The following RBFOX1 variants were observed in gnomAD, a reference collection of about 807,000 sequenced individuals.
RBFOX1 encodes the protein RNA binding fox-1 homolog 1.
In RBFOX1, 8 loss-of-function variants were observed where a neutral mutation model predicts 57.7. The ratio of observed to expected loss-of-function variants is 0.14; its 90% CI spans 0.08 to 0.25. The LOEUF is 0.25. RBFOX1 is among the 10% of genes least tolerant of loss of function. The pLI is 1.00. For synonymous variants in RBFOX1, 326 were observed against 222.4 expected, an observed-to-expected ratio of 1.47 and a Z score of -4.15; for missense variants, 611 against 548.5, an observed-to-expected ratio of 1.11 and a Z score of -1.14.
At chr16:7,122,518 G>A (rs1025771541) in intron 4 of RBFOX1, among the ~76,000 whole-genome samples, 1 of 152,064 alleles carries the variant, frequency 6.6e-6, no homozygotes, top group South Asian at 2.1e-4. Flanking sequence ...AACTAGGATG[G>A]AATACCATTA....
chr16:6,742,623 T>C (rs1208003871), intron 3 of RBFOX1, among the ~76,000 whole-genome samples: 1 of 152,204 alleles, frequency 6.6e-6, no homozygotes, highest in Non-Finnish European at 1.5e-5. Context: ...AACTGTGAGA[T>C]ACCCGTACTG....
intron 2 of RBFOX1, 78 bp downstream of exon 2, chr16:6,317,135 T>C: frequency 1.5e-6 from 2 of 1,364,036 alleles, no homozygotes; most frequent in Non-Finnish European, 2.0e-6. Context: ...AAAAGCTCTT[T>C]TCTGCAGGTT....
intron 4 of RBFOX1, among the ~76,000 whole-genome samples, chr16:5,908,089 CATATAT>C (rs1230094460): frequency 7.2e-6 from 1 of 138,136 alleles, no homozygotes; most frequent in African/African-American, 2.9e-5. Flanking sequence ...TATATATACA[CATATAT>C]ACACATATAT....
At chr16:6,612,237 G>T (rs751238749) in intron 2 of RBFOX1, among the ~76,000 whole-genome samples, 12 of 152,016 alleles carry the variant, frequency 7.9e-5, no homozygotes, top group South Asian at 2.1e-4. Context: ...GTATACTCTT[G>T]ACCAATATTC....
chr16:5,728,334 C>T (rs17138452), intron 3 of RBFOX1, among the ~76,000 whole-genome samples: 16,040 of 152,186 alleles, frequency 0.11, 2,803 homozygotes, highest in African/African-American at 0.36. Flanking sequence ...TGCTTTTTAT[C>T]CCTATTGTCA....
chr16:6,249,350 C>G (rs2097588670), intron 1 of RBFOX1, among the ~76,000 whole-genome samples: 3 of 152,050 alleles, frequency 2.0e-5, no homozygotes, highest in African/African-American at 7.2e-5. Flanking sequence ...GATGGTGAAA[C>G]CCCGTGTCTA....
At chr16:6,682,942 A>C (rs190181971) in intron 3 of RBFOX1, among the ~76,000 whole-genome samples, 1 of 151,898 alleles carries the variant, frequency 6.6e-6, no homozygotes, top group East Asian at 1.9e-4. Context: ...AGGCCAGGCA[A>C]GTCACATCAG....
intron 1 of RBFOX1, among the ~76,000 whole-genome samples, chr16:5,248,486 G>C (rs1185825688): frequency 6.6e-6 from 1 of 152,160 alleles, no homozygotes; most frequent in African/African-American, 2.4e-5. Flanking sequence ...AAGGGGGCAG[G>C]TCACCCACAG....
At chr16:6,703,723 A>C (rs1239229963) in intron 3 of RBFOX1, among the ~76,000 whole-genome samples, 1 of 152,056 alleles carries the variant, frequency 6.6e-6, no homozygotes, top group Non-Finnish European at 1.5e-5. Flanking sequence ...AAAAAAAGAA[A>C]AGAAAAAAGA....
At chr16:6,973,989 C>G (rs1323458288) in intron 3 of RBFOX1, among the ~76,000 whole-genome samples, 1 of 152,104 alleles carries the variant, frequency 6.6e-6, no homozygotes, top group African/African-American at 2.4e-5. Flanking sequence ...CATGTGTTCT[C>G]ATTGTTCAGC....
intron 14 of RBFOX1, among the ~76,000 whole-genome samples, chr16:7,699,896 T>G (rs545717366): frequency 6.6e-6 from 1 of 152,218 alleles, no homozygotes; most frequent in Non-Finnish European, 1.5e-5. Context: ...GAACTGGTCA[T>G]TTGGAGGTGG....
chr16:6,249,963 C>T (rs1042809988), intron 1 of RBFOX1, among the ~76,000 whole-genome samples: 2 of 151,954 alleles, frequency 1.3e-5, no homozygotes. Context: ...TTTAAGGTTA[C>T]TCTGGCAGTG....
At chr16:6,877,124 A>G (rs977279158) in intron 3 of RBFOX1, among the ~76,000 whole-genome samples, 53 of 152,212 alleles carry the variant, frequency 3.5e-4, no homozygotes, top group Admixed American at 3.5e-3. Flanking sequence ...AAGAGAAATA[A>G]CACCAAACAA....
chr16:5,730,103 G>T (rs1472404775), intron 3 of RBFOX1, among the ~76,000 whole-genome samples: 3 of 152,198 alleles, frequency 2.0e-5, no homozygotes, highest in Admixed American at 6.5e-5. Context: ...GAACTTACCT[G>T]TCAGTGTGTC....
intron 4 of RBFOX1, among the ~76,000 whole-genome samples, chr16:5,891,789 A>G (rs1283116968): frequency 6.6e-6 from 1 of 152,224 alleles, no homozygotes; most frequent in Non-Finnish European, 1.5e-5. Context: ...GGGCTCGGAC[A>G]TCTGATAGCC....
intron 1 of RBFOX1, among the ~76,000 whole-genome samples, chr16:6,106,304 A>C (rs886989036): frequency 1.9e-4 from 3 of 15,784 alleles, no homozygotes; most frequent in Non-Finnish European, 3.4e-4. Context: ...GTAAAAATAC[A>C]AAAAAAATTA....
intron 2 of RBFOX1, among the ~76,000 whole-genome samples, chr16:6,508,147 A>C: frequency 6.6e-6 from 1 of 152,296 alleles, no homozygotes; most frequent in South Asian, 2.1e-4. Flanking sequence ...CTCACTTATA[A>C]GTGAGAGCTA....
chr16:5,290,831 T>G (rs1373657220), intron 1 of RBFOX1, among the ~76,000 whole-genome samples: 1 of 152,082 alleles, frequency 6.6e-6, no homozygotes, highest in Non-Finnish European at 1.5e-5. Context: ...CCCGAGTAGC[T>G]GGGATTACAG....
At chr16:7,418,136 A>C (rs757999641) in intron 4 of RBFOX1, among the ~76,000 whole-genome samples, 1 of 152,210 alleles carries the variant, frequency 6.6e-6, no homozygotes, top group African/African-American at 2.4e-5. Context: ...ACCTAGGTCC[A>C]TTAGCCATGC....
Sources: gnomAD v4.1 joint callset for allele counts (sites outside exome capture counted in the v4.1 genomes callset) on GRCh38, gnomAD v4.1.1 for gene constraint, MANE v1.5 for transcripts, NCBI Gene and HGNC (gene_info 2026-07-23, HGNC 2026-07-21) for gene names.